Variants in APP observed in about 807,000 individuals in gnomAD.
The protein encoded by APP is amyloid-beta precursor protein.
A neutral mutation model predicts 101.4 loss-of-function variants in APP; 31 were observed. The observed-to-expected ratio is 0.31, with a 90% CI of 0.23 to 0.41. The LOEUF (loss-of-function observed/expected upper bound fraction) is 0.41, where lower values mean the gene tolerates loss of function less well. Ranked by LOEUF, APP falls within the 10% of genes least tolerant of loss-of-function variation. APP has a pLI of 1.00. For synonymous variants in APP, 366 were observed against 364.4 expected (o/e 1.00, Z -0.05); for missense variants, 839 against 1,003.7 (o/e 0.84, Z 2.22).
intron 15 of APP, among the ~76,000 whole-genome samples, chr21:25,904,228 C>T (rs1390846042): frequency 6.6e-6 from 1 of 152,204 alleles, no homozygotes; most frequent in Non-Finnish European, 1.5e-5. Context: ...ACTGAAAGCA[C>T]TGGCTACTAT....
At chr21:25,967,056 C>T (rs944685042) in intron 11 of APP, among the ~76,000 whole-genome samples, 2 of 152,184 alleles carry the variant, frequency 1.3e-5, no homozygotes, top group Non-Finnish European at 2.9e-5. Context: ...AAACCGTGCT[C>T]TTTAATGAAG....
chr21:26,097,273 T>C (rs1372736201), intron 2 of APP, among the ~76,000 whole-genome samples: 1 of 152,204 alleles, frequency 6.6e-6, no homozygotes, highest in Non-Finnish European at 1.5e-5. Flanking sequence ...ATGGGCTGTC[T>C]GTCCTATTAG....
intron 8 of APP, among the ~76,000 whole-genome samples, chr21:25,992,641 T>C (rs115445438): frequency 0.02 from 3,038 of 152,300 alleles, 90 homozygotes; most frequent in African/African-American, 0.069. Flanking sequence ...CTAATTATTA[T>C]GGCTTTGAAG....
At chr21:26,008,949 A>G (rs2146716736) in intron 6 of APP, among the ~76,000 whole-genome samples, 1 of 152,308 alleles carries the variant, frequency 6.6e-6, no homozygotes, top group East Asian at 1.9e-4. Context: ...ACTAGAGTCT[A>G]CTACTCAAAA....
chr21:25,988,788 C>T (rs977628711), intron 8 of APP, among the ~76,000 whole-genome samples: 1 of 151,574 alleles, frequency 6.6e-6, no homozygotes, highest in African/African-American at 2.4e-5. Context: ...CCCTCAGCCC[C>T]CTTCCCACAC....
Position 25,911,959 on chromosome 21 carries a change from T to C in APP, c.1691A>G (p.Glu564Gly). 6.2e-7 allele frequency: 1 copy of C among 1,613,252 alleles called. No homozygotes were observed. Among genetic ancestry groups the C allele is most frequent in the Admixed American group, 1.7e-5 (1 of 60,018 alleles). Residue 564 changes from glutamate to glycine, a missense_variant, in exon 14 of 18, where the codon GAG becomes GGG. Physicochemically the swap from Glu to Gly is moderately conservative, Grantham distance 98 (BLOSUM62 -2). Transcript: ENST00000346798. ...ATAGTTTTGCTCTTTCTGAAGCAGC[T>C]CATCTAAACCAAACAAAACCATCTC... ...VAEEIQDEVD[E>G]LLQKEQNYSD...
chr21:26,159,358 T>C (rs1442885289), intron 1 of APP, among the ~76,000 whole-genome samples: 4 of 152,202 alleles, frequency 2.6e-5, no homozygotes, highest in South Asian at 2.1e-4. Context: ...GGATTACAGG[T>C]GTAAGCCACC....
chr21:26,077,028 G>A (rs1340270943), intron 3 of APP, among the ~76,000 whole-genome samples: 6 of 148,632 alleles, frequency 4.0e-5, no homozygotes, highest in East Asian at 2.0e-4. Context: ...GCGCCACTGC[G>A]CTCCAGCCTG....
Position 26,027,193 on chromosome 21 carries a change from G to A in APP, c.663-5151C>T, listed in dbSNP as rs143177296. On this transcript the variant is annotated intron_variant, in intron 5 of 17. Transcript: ENST00000346798. ...TGAGGGAAGAGGGAAGACAACCAATGTCAGTTCCTGAAATGCAACCAACCA... is the reference window on the plus strand; with the variant it reads ...TGAGGGAAGAGGGAAGACAACCAATATCAGTTCCTGAAATGCAACCAACCA... Among the ~76,000 whole-genome samples, 1,351 of 152,278 alleles carry A rather than the reference G, an allele frequency of 8.9e-3. 11 individuals carry two copies. The highest frequency in any genetic ancestry group is 0.014 in the Non-Finnish European group (941 of 68,024).
chr21:25,886,283 A>C (rs1258105156), intron 17 of APP, among the ~76,000 whole-genome samples: 2 of 152,132 alleles, frequency 1.3e-5, no homozygotes, highest in African/African-American at 4.8e-5. Context: ...TGTTTTCCTA[A>C]TTTTGATGCC....
rs561501914 is a variant in APP, at chr21:26,100,171, T to C, written c.226-10099A>G. On this transcript the variant is annotated intron_variant, in intron 2 of 17. Transcript: ENST00000346798. ...TAGATTTTCCTATTCTCTCTTTCAA[T>C]GTAGGGCTAATTTTCTTATTTTAAA... 1.3e-3 allele frequency among the ~76,000 whole-genome samples: 203 copies of C among 152,300 alleles called. 1 individual carries two copies. The highest frequency in any genetic ancestry group is 4.7e-3 in the African/African-American group (194 of 41,570).
intron 5 of APP, among the ~76,000 whole-genome samples, chr21:26,050,251 C>T (rs533466750): frequency 5.5e-4 from 84 of 152,262 alleles, no homozygotes; most frequent in Non-Finnish European, 1.0e-3. Flanking sequence ...TAAGAGAATA[C>T]TGAAGGAATA....
intron 2 of APP, among the ~76,000 whole-genome samples, chr21:26,094,553 A>T (rs1165493671): frequency 6.7e-6 from 1 of 150,052 alleles, no homozygotes; most frequent in East Asian, 1.9e-4. Context: ...GTTTACATAG[A>T]TATAAAAATA....
chr21:26,057,057 G>T (rs2046070936), intron 3 of APP, among the ~76,000 whole-genome samples: 1 of 152,098 alleles, frequency 6.6e-6, no homozygotes, highest in Non-Finnish European at 1.5e-5. Flanking sequence ...TCTTTGCTAG[G>T]ACAGCAGTTA....
chr21:25,939,345 T>C (rs573786161), intron 13 of APP, among the ~76,000 whole-genome samples: 2 of 152,364 alleles, frequency 1.3e-5, no homozygotes, highest in South Asian at 2.1e-4. Flanking sequence ...ATGGATGCCA[T>C]GTCTGTCAAA....
At chr21:26,034,608 C>T (rs1403501480) in intron 5 of APP, among the ~76,000 whole-genome samples, 1 of 137,826 alleles carries the variant, frequency 7.3e-6, no homozygotes, top group Non-Finnish European at 1.5e-5. Context: ...TGCCACTGCA[C>T]TCCAGCCTGG....
chr21:26,141,675 C>T (rs1365265553), intron 1 of APP, among the ~76,000 whole-genome samples: 1 of 152,200 alleles, frequency 6.6e-6, no homozygotes. Flanking sequence ...TAAATACTTG[C>T]TGAGTATATA....
At chr21:25,886,141 T>A (rs2037308901) in intron 17 of APP, among the ~76,000 whole-genome samples, 1 of 151,562 alleles carries the variant, frequency 6.6e-6, no homozygotes, top group Non-Finnish European at 1.5e-5. Context: ...ACAACAATAG[T>A]GTGACACATC....
chr21:25,979,725 CAG>C (rs2042353947), intron 9 of APP, among the ~76,000 whole-genome samples: 2 of 151,546 alleles, frequency 1.3e-5, no homozygotes, highest in African/African-American at 4.9e-5. Flanking sequence ...CTAAAACTAA[CAG>C]AGAATTTGAA....
Sources: allele counts gnomAD v4.1 joint callset (sites outside exome capture counted in the v4.1 genomes callset), GRCh38; gene constraint gnomAD v4.1.1; transcripts MANE v1.5; gene names NCBI Gene and HGNC (gene_info 2026-07-23, HGNC 2026-07-21).